The following PIGQ variants were observed in gnomAD, a reference collection of about 807,000 sequenced individuals.
PIGQ encodes phosphatidylinositol N-acetylglucosaminyltransferase subunit Q.
Under a neutral mutation model 60.3 loss-of-function variants are expected in PIGQ, and 54 were observed. The observed-to-expected ratio is 0.90, with a 90% CI of 0.72 to 1.12. PIGQ has a LOEUF of 1.12. Ranked by LOEUF, PIGQ falls within the 50% of genes most tolerant of loss-of-function variation. PIGQ has a pLI of 0.00. For missense variants in PIGQ, 799 were observed against 793.5 expected, an observed-to-expected ratio of 1.01 and a Z score of -0.08; for synonymous variants, 416 against 363.7, an observed-to-expected ratio of 1.14 and a Z score of -1.64.
chr16:574,761 CCGGT>C lies in PIGQ; in HGVS notation c.688_689+2del, dbSNP rs765423201. 6.4e-7 allele frequency: 1 copy of C among 1,561,402 alleles called. No homozygotes were observed. The highest frequency in any genetic ancestry group is 8.6e-7 in the Non-Finnish European group (1 of 1,158,358). Reference sequence around the variant, plus strand: ...CGCTGGTCTCAGCTGTCAGTGCCTGCCGGTAGGTGTCCCGGGACAGGCAGGTGGC... The same window carrying C: ...CGCTGGTCTCAGCTGTCAGTGCCTGCAGGTGTCCCGGGACAGGCAGGTGGC... On this transcript the variant is annotated splice_donor_variant and coding_sequence_variant, in exon 2 of 11. Coordinates refer to ENST00000321878, the MANE Select transcript of PIGQ (RefSeq NM_004204.5). LOFTEE classifies it high-confidence loss of function.
chr16:581,715 G>A (rs193017570), intron 9 of PIGQ: 2,790 of 157,784 alleles, frequency 0.018, 39 homozygotes, highest in Admixed American at 0.026. Context: ...TCCCACCTCA[G>A]CCTCCCAAAG....
chr16:580,087 C>T, intron 7 of PIGQ, 96 bp from the exon 8 acceptor site: 1 of 910,678 alleles, frequency 1.1e-6, no homozygotes, highest in South Asian at 1.8e-5. Context: ...GCCGCAAGGT[C>T]CCGACTGCAG....
At chr16:579,231 C>A in intron 7 of PIGQ, 51 bp downstream of exon 7, 1 of 1,476,022 alleles carries the variant, frequency 6.8e-7, no homozygotes, top group African/African-American at 1.4e-5. Flanking sequence ...CGGCCTGTGC[C>A]CGCTGGGCCA....
rs138771907 is a variant in PIGQ, at chr16:581,619, C to T, written c.1532-629C>T. ...CTAGGATTACAGGTGTGTGCCACCA[C>T]GCCCAGCTAATTTTTTGTATTTTAG... On this transcript the variant is annotated intron_variant, in intron 9 of 10. Coordinates refer to ENST00000321878, the MANE Select transcript of PIGQ (RefSeq NM_004204.5). The T allele has an allele frequency of 9.4e-4, 152 of 162,184 alleles. 1 individual carries two copies. In the East Asian group the frequency reaches 0.025, roughly 27 times the overall value. The allele number at this position is 162,184 out of a possible 1,614,324, so 10.0% of individuals were successfully genotyped here.
Position 583,408 on chromosome 16 carries a change from C to T in PIGQ, c.*373C>T, listed in dbSNP as rs746111928. 5.6e-6 allele frequency: 9 copies of T among 1,612,786 alleles called. No individual in the cohort carries two copies. The highest frequency in any genetic ancestry group is 1.3e-5 in the African/African-American group (1 of 75,040). On this transcript the variant is annotated 3_prime_UTR_variant, in exon 11 of 11. Coordinates refer to ENST00000321878, the MANE Select transcript of PIGQ (RefSeq NM_004204.5). ...CAGCAGCCCCAGGTGGAGGGCTGGTCTCCCTGGGGGCTCCCCAGTGGCTCT... is the reference window on the plus strand; with the variant it reads ...CAGCAGCCCCAGGTGGAGGGCTGGTTTCCCTGGGGGCTCCCCAGTGGCTCT...
chr16:572,459 A>G, intron 1 of PIGQ: 1 of 453,994 alleles, frequency 2.2e-6, no homozygotes, highest in Non-Finnish European at 4.4e-6. Context: ...CTTAAGCCCC[A>G]GGCATTTCCG....
intron 9 of PIGQ, chr16:581,322 A>T: frequency 7.9e-7 from 1 of 1,260,250 alleles, no homozygotes; most frequent in Non-Finnish European, 1.0e-6. Flanking sequence ...ACTAGGAGCC[A>T]GCAGGGCGGC....
intron 2 of PIGQ, among the ~76,000 whole-genome samples, 197 bp from the exon 3 acceptor site, chr16:575,642 G>A (rs1478454828): frequency 6.6e-6 from 1 of 152,180 alleles, no homozygotes; most frequent in African/African-American, 2.4e-5. Flanking sequence ...CAGGCTCCGT[G>A]TTAGTCACGT....
At chr16:579,426 C>T (rs2151047858) in intron 7 of PIGQ, 1 of 525,754 alleles carries the variant, frequency 1.9e-6, no homozygotes, top group Non-Finnish European at 3.4e-6. Flanking sequence ...CAGGCACAGG[C>T]CCTAGAGGTG....
At chr16:582,194 T>C (rs764147160) in intron 9 of PIGQ, 54 bp from the exon 10 acceptor site, 4 of 1,291,264 alleles carry the variant, frequency 3.1e-6, no homozygotes, top group Admixed American at 1.9e-5. Flanking sequence ...CCTCTGCTCA[T>C]GTGTGGGGCC....
At chr16:582,060 G>T in intron 9 of PIGQ, 188 bp from the exon 10 acceptor site, 1 of 674,984 alleles carries the variant, frequency 1.5e-6, no homozygotes, top group South Asian at 1.5e-5. Flanking sequence ...CTGGCTGCAG[G>T]AGGCTTTGAT....
At chr16:574,023 G>T (rs768168064) in intron 1 of PIGQ, 43 bp from the exon 2 acceptor site, 7 of 1,401,146 alleles carry the variant, frequency 5.0e-6, no homozygotes, top group East Asian at 2.4e-5. Context: ...ACGGTGGGGG[G>T]GCAGCAGCAG....
chr16:571,082 T>TCTGCCTA (rs1372535580), intron 1 of PIGQ, among the ~76,000 whole-genome samples: 14 of 11,534 alleles, frequency 1.2e-3, no homozygotes, highest in South Asian at 0.014. Flanking sequence ...TGTGTGTGTG[T>TCTGCCTA]GTGTGTGTGT....
In PIGQ at chr16:574,086, G is replaced by A. The variant is rs1463376903; in HGVS notation, c.12G>A (p.Lys4=). 2 of 1,603,482 alleles carry A rather than the reference G, an allele frequency of 1.2e-6. No homozygotes were observed. The highest frequency in any genetic ancestry group is 1.7e-6 in the Non-Finnish European group (2 of 1,176,038). MVL[K]AFFPTCCVST... ...TCCAGCCTCCCGGCATGGTGCTCAA[G>A]GCCTTCTTCCCCACGTGCTGCGTCT... Residue 4 remains lysine, a synonymous_variant, in exon 2 of 11, where the codon AAG becomes AAA. Transcript: ENST00000321878.
rs571151338 is a variant in PIGQ at position 576,110 on chromosome 16, G to A, written c.822-24G>A. 19 of 1,545,786 alleles carry A rather than the reference G, an allele frequency of 1.2e-5. 1 individual carries two copies. Among genetic ancestry groups the A allele is most frequent in the Admixed American group, 9.8e-5 (5 of 50,960 alleles). On this transcript the variant is annotated intron_variant, in intron 3 of 10. Transcript: ENST00000321878. ...AGGCTGTGCTGGCCACCCTCATGCC[G>A]GCCGGGCCGGACCTCCCTTCCAGGA...
rs756903826 is a variant in PIGQ, at chr16:578,387, C to T, written c.951C>T (p.Ala317=). Residue 317 remains alanine, a synonymous_variant, in exon 5 of 11, where the codon GCC becomes GCT. Coordinates refer to ENST00000321878, the MANE Select transcript of PIGQ (RefSeq NM_004204.5). ...CCCCTGTGTCCCTGCAGCACGTGGC[C>T]GAGGAGCTCCAGCATCTGCTGCAGT... ...DALVPVADHV[A]EELQHLLQWL... is the part of the protein sequence containing the mutation. The T allele has an allele frequency of 1.1e-5, 18 of 1,610,092 alleles. No homozygotes were observed. The highest frequency in any genetic ancestry group is 1.7e-4 in the Middle Eastern group (1 of 5,952).
chr16:576,007 G>A (rs777308943), intron 3 of PIGQ, 37 bp downstream of exon 3: 15 of 1,560,316 alleles, frequency 9.6e-6, no homozygotes, highest in East Asian at 7.1e-5. Context: ...GGCTGGGTGC[G>A]TGCCCTCTGG....
In PIGQ at chr16:582,963, C is replaced by G; in HGVS notation, c.1674C>G (p.Gly558=). The change falls in exon 11 of 11, where the codon GGC becomes GGG. Residue 558 remains glycine (G), a synonymous_variant. Transcript: ENST00000321878. ...GCTGCCACCCCAAGCACTCCTGGGG[C>G]GCCCTGTGCCGCAAGCTGTTCCTTG... ...SCGCHPKHSW[G]ALCRKLFLGE... is the part of the protein sequence containing the mutation. 6 of 1,613,006 alleles carry G rather than the reference C, an allele frequency of 3.7e-6. No homozygotes were observed. The highest frequency in any genetic ancestry group is 5.1e-6 in the Non-Finnish European group (6 of 1,179,952).
At chr16:576,336 C>T in intron 4 of PIGQ, 82 bp downstream of exon 4, 1 of 1,434,184 alleles carries the variant, frequency 7.0e-7, no homozygotes, top group Non-Finnish European at 9.3e-7. Flanking sequence ...CGGGCCAGAG[C>T]CACCGCCCCA....
Sources: allele counts gnomAD v4.1 joint callset (sites outside exome capture counted in the v4.1 genomes callset), GRCh38; gene constraint gnomAD v4.1.1; transcripts MANE v1.5; gene names NCBI Gene and HGNC (gene_info 2026-07-23, HGNC 2026-07-21).